Variants in BCAS3 observed in about 807,000 individuals in gnomAD.
The protein encoded by BCAS3 is BCAS3 microtubule associated cell migration factor.
A neutral mutation model predicts 116.1 loss-of-function variants in BCAS3; 53 were observed. The ratio of observed to expected loss-of-function variants is 0.46; its 90% confidence interval spans 0.37 to 0.57. The LOEUF (loss-of-function observed/expected upper bound fraction) is 0.57. BCAS3 is among the 20% of genes least tolerant of loss of function. The pLI is 0.00. For missense variants in BCAS3, 917 were observed against 1,165.4 expected, an observed-to-expected ratio of 0.79 and a Z score of 3.10; for synonymous variants, 391 against 408.2, an observed-to-expected ratio of 0.96 and a Z score of 0.51.
At chr17:60,935,016 G>T (rs1254252400) in intron 13 of BCAS3, among the ~76,000 whole-genome samples, 1 of 152,106 alleles carries the variant, frequency 6.6e-6, no homozygotes, top group Non-Finnish European at 1.5e-5. Flanking sequence ...AAATCAGCCG[G>T]GTGTGGTGGC....
At position 61,235,437 on chromosome 17, in the gene BCAS3, G is replaced by T. The variant is rs558709499; in HGVS notation, c.2426-132890G>T. ...TGAGCCACTCGAGTTGCTTATGCAT[G>T]AATGTGCTTGTTTAGCAGGTAGAGT... On this transcript the variant is annotated intron_variant, in intron 22 of 23. Coordinates refer to ENST00000407086, the MANE Select transcript of BCAS3 (RefSeq NM_017679.5). The surrounding 1 kb of genome is among the most constrained non-coding windows in gnomAD (Gnocchi z 5.0). 2.6e-5 allele frequency among the ~76,000 whole-genome samples: 4 copies of T among 152,212 alleles called. No homozygotes were observed. The highest frequency in any genetic ancestry group is 7.2e-5 in the African/African-American group (3 of 41,458).
At chr17:60,896,161 A>G (rs1330342951) in intron 10 of BCAS3, among the ~76,000 whole-genome samples, 1 of 152,180 alleles carries the variant, frequency 6.6e-6, no homozygotes, top group Non-Finnish European at 1.5e-5. Flanking sequence ...TGCTGTCTCT[A>G]CTAAAAATAC....
At position 61,224,229 on chromosome 17, in the gene BCAS3, T is replaced by C. The variant is rs1489719387; in HGVS notation, c.2425+139665T>C. Reference sequence around the variant, plus strand: ...CTGTACCATGGATGATGGGAAGATATACAAAGTAAAGTTCTTGTTAGCAGG... The same window carrying C: ...CTGTACCATGGATGATGGGAAGATACACAAAGTAAAGTTCTTGTTAGCAGG... On this transcript the variant is annotated intron_variant, in intron 22 of 23. Coordinates refer to ENST00000407086, the MANE Select transcript of BCAS3 (RefSeq NM_017679.5). The surrounding 1 kb of genome is among the most constrained non-coding windows in gnomAD (Gnocchi z 5.7). 1.3e-5 allele frequency among the ~76,000 whole-genome samples: 2 copies of C among 152,244 alleles called. No homozygotes were observed. The highest frequency in any genetic ancestry group is 6.5e-5 in the Admixed American group (1 of 15,280).
intron 14 of BCAS3, chr17:60,986,853 A>G (rs886248046): frequency 1.3e-5 from 2 of 151,956 alleles, no homozygotes; most frequent in Admixed American, 6.6e-5. Context: ...CCATTTGTCT[A>G]TTTTTGCTTT....
intron 15 of BCAS3, among the ~76,000 whole-genome samples, chr17:60,991,902 A>G (rs933749376): frequency 1.3e-5 from 2 of 152,090 alleles, no homozygotes; most frequent in South Asian, 2.1e-4. Context: ...TTCATTTAGT[A>G]TAATGTTTTT....
chr17:61,096,609 TTCTA>T (rs1219612976), intron 22 of BCAS3, among the ~76,000 whole-genome samples: 6 of 152,254 alleles, frequency 3.9e-5, no homozygotes, highest in Non-Finnish European at 8.8e-5. Flanking sequence ...CGTTTATTCA[TTCTA>T]ATAGTAGAAT....
chr17:61,178,016 A>G (rs2079247858), intron 22 of BCAS3, among the ~76,000 whole-genome samples: 1 of 152,186 alleles, frequency 6.6e-6, no homozygotes. Context: ...TCATAAAAAA[A>G]TTAGACACTT....
At chr17:61,280,002 T>A (rs901572286) in intron 22 of BCAS3, among the ~76,000 whole-genome samples, 2 of 152,168 alleles carry the variant, frequency 1.3e-5, no homozygotes, top group African/African-American at 4.8e-5. Flanking sequence ...TTTCCTTTAG[T>A]CAAATATTTA....
intron 7 of BCAS3, chr17:60,811,313 C>A: frequency 1.4e-6 from 1 of 737,314 alleles, no homozygotes; most frequent in South Asian, 1.4e-5. Context: ...CACCTACTGT[C>A]ACCTGCTGGA....
At chr17:60,707,848 C>G (rs1392214253) in intron 4 of BCAS3, among the ~76,000 whole-genome samples, 1 of 152,056 alleles carries the variant, frequency 6.6e-6, no homozygotes, top group African/African-American at 2.4e-5. Context: ...GGGATAAACC[C>G]TATATTTTAG....
At chr17:60,689,576 T>G in intron 3 of BCAS3, 110 bp from the exon 4 acceptor site, 1 of 614,686 alleles carries the variant, frequency 1.6e-6, no homozygotes, top group Non-Finnish European at 2.8e-6. Flanking sequence ...AGATGTAGGG[T>G]TGGTGAAGTT....
At chr17:60,955,042 AC>A (rs1679662123) in intron 14 of BCAS3, among the ~76,000 whole-genome samples, 2 of 152,124 alleles carry the variant, frequency 1.3e-5, no homozygotes, top group South Asian at 4.2e-4. Context: ...CCATTATAGT[AC>A]TTATTATTTT....
rs1603196799 is a variant in BCAS3, at chr17:61,380,448, C to T, written c.2594-11529C>T. 10 of 1,505,292 alleles carry T rather than the reference C, an allele frequency of 6.6e-6. No homozygotes were observed. In the East Asian group the frequency reaches 1.6e-4, roughly 24 times the overall value. The allele number at this position is 1,505,292 out of a possible 1,614,324, so 93.2% of individuals were successfully genotyped here. The stretch of plus-strand genomic sequence containing the variant: ...CTCACTTTGATCTCAGCTCTTCCTG[C>T]TCTCTTAAAGGTCCAGTTTGTGATC... On this transcript the variant is annotated intron_variant, in intron 23 of 23. Coordinates refer to ENST00000407086, the MANE Select transcript of BCAS3 (RefSeq NM_017679.5). The surrounding 1 kb of genome is among the most constrained non-coding windows in gnomAD (Gnocchi z 4.2).
chr17:61,094,785 A>C (rs1428553284), intron 22 of BCAS3, among the ~76,000 whole-genome samples: 1 of 152,246 alleles, frequency 6.6e-6, no homozygotes, highest in East Asian at 1.9e-4. Flanking sequence ...CAGAGGTTGC[A>C]GTGAGCCAAG....
At chr17:61,351,937 C>G (rs2057875423) in intron 22 of BCAS3, among the ~76,000 whole-genome samples, 2 of 152,220 alleles carry the variant, frequency 1.3e-5, no homozygotes, top group African/African-American at 4.8e-5. Flanking sequence ...GGCCTCTTCC[C>G]TTTAGAGGGA....
At chr17:60,816,707 A>G (rs917430374) in intron 7 of BCAS3, among the ~76,000 whole-genome samples, 2 of 152,188 alleles carry the variant, frequency 1.3e-5, no homozygotes, top group Non-Finnish European at 2.9e-5. Context: ...AATGTACATA[A>G]AACAGAATTG....
intron 5 of BCAS3, among the ~76,000 whole-genome samples, chr17:60,737,671 T>C (rs549175693): frequency 6.6e-6 from 1 of 152,030 alleles, no homozygotes; most frequent in African/African-American, 2.4e-5. Context: ...TTTAGAATTA[T>C]GTTGTTTAAT....
intron 6 of BCAS3, among the ~76,000 whole-genome samples, chr17:60,786,387 TG>T (rs1159580735): frequency 1.3e-5 from 2 of 151,966 alleles, no homozygotes; most frequent in African/African-American, 4.8e-5. Flanking sequence ...CTGGGCATGG[TG>T]GTGCACATCT....
In BCAS3 at chr17:61,235,762, C is replaced by T. The variant is rs965845362; in HGVS notation, c.2426-132565C>T. Reference sequence around the variant, plus strand: ...CAAGGGAAAAAAATGGTTAGGGAGGCTGCAAAAGAGATGTGGAGACTGGGG... The same window carrying T: ...CAAGGGAAAAAAATGGTTAGGGAGGTTGCAAAAGAGATGTGGAGACTGGGG... On this transcript the variant is annotated intron_variant, in intron 22 of 23. Transcript: ENST00000407086. The surrounding 1 kb of genome is among the most constrained non-coding windows in gnomAD (Gnocchi z 5.0). Among the ~76,000 whole-genome samples, 6 of 151,026 alleles carry T rather than the reference C, an allele frequency of 4.0e-5. No homozygotes were observed. The highest frequency in any genetic ancestry group is 5.9e-5 in the Non-Finnish European group (4 of 67,886).
Sources: gnomAD v4.1 joint callset for allele counts (sites outside exome capture counted in the v4.1 genomes callset) on GRCh38, gnomAD v4.1.1 for gene constraint, Gnocchi (gnomAD v3.1) non-coding constraint, MANE v1.5 for transcripts, NCBI Gene and HGNC (gene_info 2026-07-23, HGNC 2026-07-21) for gene names.